Variants in MVB12B observed in about 807,000 individuals in gnomAD.
MVB12B encodes ESCRT-I complex subunit MVB12B.
Under a neutral mutation model 41.6 loss-of-function variants are expected in MVB12B, and 16 were observed. That is an observed-to-expected ratio of 0.38 (90% CI 0.26 to 0.58). MVB12B has a LOEUF of 0.58. Ranked by LOEUF, MVB12B falls within the 20% of genes least tolerant of loss-of-function variation. The pLI is 0.62. For synonymous variants in MVB12B, 133 were observed against 139.7 expected (o/e 0.95, Z 0.34); for missense variants, 274 against 380.2 (o/e 0.72, Z 2.32).
chr9:126,330,290 G>A (rs1486045178), intron 1 of MVB12B, among the ~76,000 whole-genome samples: 1 of 136,168 alleles, frequency 7.3e-6, no homozygotes, highest in Non-Finnish European at 1.6e-5. Flanking sequence ...ACATGAGTTT[G>A]TTCTTTCTTT....
At chr9:126,399,408 T>A (rs1831207129) in intron 6 of MVB12B, among the ~76,000 whole-genome samples, 1 of 152,180 alleles carries the variant, frequency 6.6e-6, no homozygotes. Flanking sequence ...CCCATCTCTG[T>A]GGCCCTCTTT....
In MVB12B at chr9:126,376,319, G is replaced by A. The variant is rs1037270738; in HGVS notation, c.205-4745G>A. 2.7e-6 allele frequency: 1 copy of A among 373,576 alleles called. No homozygotes were observed. Among genetic ancestry groups the A allele is most frequent in the African/African-American group, 2.1e-5 (1 of 47,314 alleles). 23.1% of individuals were successfully genotyped at this position (373,576 alleles called of 1,614,324 possible). On this transcript the variant is annotated intron_variant, in intron 2 of 9. Coordinates refer to ENST00000361171, the MANE Select transcript of MVB12B (RefSeq NM_033446.3). The surrounding 1 kb of genome is among the most constrained non-coding windows in gnomAD (Gnocchi z 4.1). ...TTACAGACTGGGTTCTCTGTCCTGA[G>A]CCGGCACTGTTTCCCCCTATTCTCT...
chr9:126,337,624 G>T (rs1308386043), intron 1 of MVB12B, among the ~76,000 whole-genome samples: 3 of 152,150 alleles, frequency 2.0e-5, no homozygotes, highest in Admixed American at 6.5e-5. Flanking sequence ...AAGGTGACCC[G>T]GCCACCTCCC....
intron 9 of MVB12B, among the ~76,000 whole-genome samples, chr9:126,492,381 C>T (rs996468292): frequency 1.3e-5 from 2 of 151,732 alleles, no homozygotes; most frequent in South Asian, 2.1e-4. Flanking sequence ...TTGCCTGGCT[C>T]GCCTGGGTCT....
intron 7 of MVB12B, among the ~76,000 whole-genome samples, chr9:126,462,667 T>C (rs1193518974): frequency 1.3e-5 from 2 of 152,198 alleles, no homozygotes; most frequent in Non-Finnish European, 2.9e-5. Context: ...GAAATTAGAA[T>C]ACCAGCAGGC....
intron 9 of MVB12B, among the ~76,000 whole-genome samples, chr9:126,496,081 C>T (rs1371999438): frequency 6.6e-6 from 1 of 152,122 alleles, no homozygotes; most frequent in Non-Finnish European, 1.5e-5. Context: ...CCAGGATGAC[C>T]TTCTACCTGC....
intron 7 of MVB12B, among the ~76,000 whole-genome samples, chr9:126,426,583 T>G (rs886218564): frequency 1.3e-5 from 2 of 152,194 alleles, no homozygotes; most frequent in African/African-American, 2.4e-5. Flanking sequence ...ACCTTTTTTT[T>G]TTCTTGGATT....
intron 2 of MVB12B, among the ~76,000 whole-genome samples, chr9:126,374,445 A>T (rs997942044): frequency 1.3e-5 from 2 of 152,200 alleles, no homozygotes; most frequent in East Asian, 3.9e-4. Flanking sequence ...TCCTGAACGC[A>T]CATCATCCTC....
chr9:126,411,242 A>G (rs988986063), intron 6 of MVB12B, among the ~76,000 whole-genome samples: 5 of 152,182 alleles, frequency 3.3e-5, no homozygotes, highest in Admixed American at 1.3e-4. Context: ...ATTGTCCTTT[A>G]TGGCCTATCT....
intron 2 of MVB12B, among the ~76,000 whole-genome samples, chr9:126,348,993 G>A (rs564477873): frequency 4.9e-4 from 74 of 152,140 alleles, no homozygotes; most frequent in African/African-American, 1.8e-3. Context: ...ATTATTACTC[G>A]CAGTTCCCAA....
chr9:126,496,312 C>T (rs1833834006), intron 9 of MVB12B, among the ~76,000 whole-genome samples: 1 of 142,764 alleles, frequency 7.0e-6, no homozygotes, highest in Admixed American at 7.0e-5. Context: ...TACCCATCAC[C>T]CCACCCACCC....
chr9:126,417,899 G>A (rs540367426), intron 6 of MVB12B, among the ~76,000 whole-genome samples: 1 of 152,314 alleles, frequency 6.6e-6, no homozygotes, highest in Non-Finnish European at 1.5e-5. Flanking sequence ...TGGAGAGTCG[G>A]TAAGGAAGAA....
intron 7 of MVB12B, among the ~76,000 whole-genome samples, chr9:126,429,144 T>G (rs1000760514): frequency 6.6e-6 from 1 of 152,136 alleles, no homozygotes; most frequent in Non-Finnish European, 1.5e-5. Flanking sequence ...AGGAAAGAAG[T>G]CATTTTAAAG....
chr9:126,427,956 C>CTT (rs11357346), intron 7 of MVB12B, among the ~76,000 whole-genome samples: 1 of 142,284 alleles, frequency 7.0e-6, no homozygotes, highest in African/African-American at 2.6e-5. Flanking sequence ...AGCTTTTTTT[C>CTT]TTTTTTTTTT....
At chr9:126,500,615 A>C (rs1166651743) in intron 9 of MVB12B, among the ~76,000 whole-genome samples, 2 of 151,830 alleles carry the variant, frequency 1.3e-5, no homozygotes, top group African/African-American at 4.8e-5. Context: ...TTTGACCGGG[A>C]CCCCCCGGGG....
intron 7 of MVB12B, among the ~76,000 whole-genome samples, chr9:126,426,569 C>G (rs563795432): frequency 6.6e-6 from 1 of 152,064 alleles, no homozygotes; most frequent in South Asian, 2.1e-4. Flanking sequence ...AATGGTGGCA[C>G]CCTACCTTTT....
intron 9 of MVB12B, among the ~76,000 whole-genome samples, chr9:126,498,491 G>A (rs941643455): frequency 2.6e-5 from 4 of 152,176 alleles, no homozygotes; most frequent in African/African-American, 4.8e-5. Flanking sequence ...CACCATTCCT[G>A]GCCCTATCGT....
At chr9:126,409,796 T>C (rs1831575332) in intron 6 of MVB12B, among the ~76,000 whole-genome samples, 1 of 152,174 alleles carries the variant, frequency 6.6e-6, no homozygotes, top group South Asian at 2.1e-4. Flanking sequence ...TCTTCCAGGC[T>C]TTCTCCCAGT....
rs948113358 is a variant in MVB12B, at chr9:126,480,022, G to C, written c.758-1347G>C. Among the ~76,000 whole-genome samples, 1 of 152,148 alleles carries C rather than the reference G, an allele frequency of 6.6e-6. No individual in the cohort carries two copies. The highest frequency in any genetic ancestry group is 1.5e-5 in the Non-Finnish European group (1 of 68,026). On this transcript the variant is annotated intron_variant, in intron 7 of 9. Coordinates refer to ENST00000361171, the MANE Select transcript of MVB12B (RefSeq NM_033446.3). The surrounding 1 kb of genome is among the most constrained non-coding windows in gnomAD (Gnocchi z 4.9). The stretch of plus-strand genomic sequence containing the variant: ...GAAAGAAAAAATATGACCACTGAAG[G>C]TTCCAGAGAAGTCATCATTCCAGGA...
Sources: allele counts gnomAD v4.1 joint callset (sites outside exome capture counted in the v4.1 genomes callset), GRCh38; gene constraint gnomAD v4.1.1; non-coding constraint Gnocchi (gnomAD v3.1); transcripts MANE v1.5; gene names NCBI Gene and HGNC (gene_info 2026-07-23, HGNC 2026-07-21).